The following SIM1 variants were observed in gnomAD, a reference collection of about 807,000 sequenced individuals.
SIM1 encodes single-minded homolog 1.
SIM1 carries 18 observed loss-of-function variants against 78.2 expected under a neutral mutation model. The observed-to-expected ratio is 0.23, with a 90% CI of 0.16 to 0.34. The LOEUF (loss-of-function observed/expected upper bound fraction) is 0.34. Among genes scored for constraint, SIM1 ranks in the 10% least tolerant of loss-of-function variants. The pLI, the probability that SIM1 is intolerant of heterozygous loss-of-function variation, is 1.00. For synonymous variants in SIM1, 417 were observed against 385.2 expected (o/e 1.08, Z -0.97); for missense variants, 939 against 975.1 (o/e 0.96, Z 0.49).
intron 2 of SIM1, among the ~76,000 whole-genome samples, chr6:100,455,218 A>C (rs967292767): frequency 6.6e-6 from 1 of 152,144 alleles, no homozygotes; most frequent in African/African-American, 2.4e-5. Context: ...TTGTTTGCAC[A>C]TCTAAATAAA....
At chr6:100,446,631 C>T (rs537127357) in intron 9 of SIM1, among the ~76,000 whole-genome samples, 38 of 152,376 alleles carry the variant, frequency 2.5e-4, no homozygotes, top group Non-Finnish European at 5.1e-4. Context: ...GCCTCCCTGT[C>T]ATTCGCGCCC....
intron 9 of SIM1, among the ~76,000 whole-genome samples, chr6:100,437,777 CA>C (rs1772095049): frequency 6.6e-6 from 1 of 152,140 alleles, no homozygotes; most frequent in Admixed American, 6.5e-5. Context: ...TGAGCCTGAC[CA>C]AACTGCAGAA....
At chr6:100,448,706 T>A (rs760464343) in intron 6 of SIM1, 28 bp from the exon 7 acceptor site, 3 of 1,594,196 alleles carry the variant, frequency 1.9e-6, no homozygotes. Flanking sequence ...GGAGGGAGAC[T>A]CAGCCACAGG....
In SIM1 at chr6:100,393,869, T is replaced by C. The variant is rs149770773; in HGVS notation, c.1188A>G (p.Glu396=). ...PYPQYSGFHT[E]RSESDHDSQW... ...GGCTGTCATGATCAGATTCCGATCT[T>C]TCTGTGTGAAATCCCGAATACTGAA... The change falls in exon 11 of 12, where the codon GAA becomes GAG. Residue 396 remains glutamate, a synonymous_variant. Coordinates refer to ENST00000369208, the MANE Select transcript of SIM1 (RefSeq NM_005068.3). The C allele has an allele frequency of 1.3e-4, 197 of 1,565,664 alleles. No individual in the cohort carries two copies. Among genetic ancestry groups the C allele is most frequent in the Non-Finnish European group, 1.6e-4 (187 of 1,152,504 alleles).
Position 100,412,616 on chromosome 6 carries a change from GAAAGAAGGAAAGAAAGAAAGAAAAGAA to G in SIM1, c.1167+8147_1167+8173del, listed in dbSNP as rs1771242454. ...GAAAGAAAGAAAGAAAGAAAGGAAA[GAAAGAAGGAAAGAAAGAAAGAAAAGAA>G]AGAAAGAAAGAAAGAGAGAGAGAGA... On this transcript the variant is annotated intron_variant, in intron 10 of 11. Transcript: ENST00000369208. Among the ~76,000 whole-genome samples the G allele has an allele frequency of 2.8e-4, 26 of 91,876 alleles. 1 individual carries two copies. The highest frequency in any genetic ancestry group is 7.6e-4 in the South Asian group (2 of 2,648). 60.3% of individuals were successfully genotyped at this position (91,876 alleles called of 152,430 possible). A position where few individuals can be genotyped will look rare whatever the true frequency, so the allele number is the denominator to read the frequency against.
At position 100,448,371 on chromosome 6, in the gene SIM1, A is replaced by G. The variant is rs537591799; in HGVS notation, c.743+108T>C. 4,366 of 1,387,492 alleles carry G rather than the reference A, an allele frequency of 3.1e-3. 16 individuals are homozygous for G. Among genetic ancestry groups the G allele is most frequent in the South Asian group, 6.2e-3 (473 of 76,708 alleles). The allele number at this position is 1,387,492 out of a possible 1,614,324, so 85.9% of individuals were successfully genotyped here. On this transcript the variant is annotated intron_variant, in intron 7 of 11. Coordinates refer to ENST00000369208, the MANE Select transcript of SIM1 (RefSeq NM_005068.3). ...CGCCCTCACTTTCCAGGGCCGATTC[A>G]GTCGCCTCATGTGCAAAATGGGCTC...
intron 9 of SIM1, among the ~76,000 whole-genome samples, chr6:100,433,412 T>C (rs1309906829): frequency 6.6e-6 from 1 of 152,192 alleles, no homozygotes; most frequent in African/African-American, 2.4e-5. Flanking sequence ...ACTCTCCCTG[T>C]AGGACTCCAC....
At chr6:100,423,583 T>A (rs1328717835) in intron 9 of SIM1, among the ~76,000 whole-genome samples, 1 of 152,126 alleles carries the variant, frequency 6.6e-6, no homozygotes, top group Non-Finnish European at 1.5e-5. Context: ...AGGACAAGAG[T>A]TAAGAGATAT....
chr6:100,452,794 G>C (rs993133557), intron 3 of SIM1, among the ~76,000 whole-genome samples: 1 of 152,188 alleles, frequency 6.6e-6, no homozygotes, highest in Non-Finnish European at 1.5e-5. Flanking sequence ...TGAAGGCCAC[G>C]TCAGTGAGAG....
In SIM1 at chr6:100,412,534, CTAAGAAAGAAAGAAAGAAAGA is replaced by C. The variant is rs1261603126; in HGVS notation, c.1167+8235_1167+8255del. ...GCTGGGTGACAGAGCAAGACTCTGT[CTAAGAAAGAAAGAAAGAAAGA>C]AAAGAAAGAAAGAAAGAAAGAAAGA... On this transcript the variant is annotated intron_variant, in intron 10 of 11. Transcript: ENST00000369208. 8.0e-3 allele frequency among the ~76,000 whole-genome samples: 759 copies of C among 94,930 alleles called. 41 individuals carry two copies. Among genetic ancestry groups the C allele is most frequent in the South Asian group, 0.02 (56 of 2,834 alleles). The allele number at this position is 94,930 out of a possible 152,430, so 62.3% of individuals were successfully genotyped here.
chr6:100,462,303 T>G (rs1772876397), intron 2 of SIM1, among the ~76,000 whole-genome samples: 1 of 152,244 alleles, frequency 6.6e-6, no homozygotes, highest in South Asian at 2.1e-4. Flanking sequence ...CTCTTTTACA[T>G]TTCTGAATCC....
chr6:100,393,954 A>G, intron 10 of SIM1, 65 bp from the exon 11 acceptor site: 2 of 1,471,150 alleles, frequency 1.4e-6, no homozygotes, highest in Non-Finnish European at 1.8e-6. Flanking sequence ...GAAAACAAAC[A>G]AACAAAAAAC....
chr6:100,415,965 T>A (rs561814588), intron 10 of SIM1, among the ~76,000 whole-genome samples: 6 of 152,294 alleles, frequency 3.9e-5, no homozygotes, highest in African/African-American at 1.4e-4. Flanking sequence ...TCAGGTTCAC[T>A]AAGATAGGGA....
At chr6:100,428,173 C>T (rs181340380) in intron 9 of SIM1, among the ~76,000 whole-genome samples, 3 of 152,200 alleles carry the variant, frequency 2.0e-5, no homozygotes, top group Non-Finnish European at 4.4e-5. Flanking sequence ...CTGTTATGCA[C>T]ATTAATAAAA....
chr6:100,441,796 T>C (rs1192321108), intron 9 of SIM1, among the ~76,000 whole-genome samples: 1 of 152,224 alleles, frequency 6.6e-6, no homozygotes, highest in Non-Finnish European at 1.5e-5. Flanking sequence ...CTGCGCACCC[T>C]TGTGAAGCAA....
intron 9 of SIM1, among the ~76,000 whole-genome samples, chr6:100,441,772 G>A (rs1258671129): frequency 1.3e-5 from 2 of 152,136 alleles, no homozygotes; most frequent in Non-Finnish European, 2.9e-5. Context: ...TTTTAGCTAG[G>A]AAAATGTCAA....
chr6:100,395,103 C>G (rs1312565166), intron 10 of SIM1, among the ~76,000 whole-genome samples: 1 of 152,102 alleles, frequency 6.6e-6, no homozygotes, highest in African/African-American at 2.4e-5. Flanking sequence ...TTTGAAGGCC[C>G]TCACAAGCCA....
chr6:100,459,542 T>G (rs1360954860), intron 2 of SIM1, among the ~76,000 whole-genome samples: 1 of 152,216 alleles, frequency 6.6e-6, no homozygotes. Context: ...ACATGGGGCC[T>G]CTTTTTCTTT....
chr6:100,456,868 A>G (rs1201195497), intron 2 of SIM1, among the ~76,000 whole-genome samples: 2 of 152,226 alleles, frequency 1.3e-5, no homozygotes, highest in Non-Finnish European at 2.9e-5. Flanking sequence ...GATTACCTCA[A>G]TGGACTGACT....
Sources: allele counts gnomAD v4.1 joint callset (sites outside exome capture counted in the v4.1 genomes callset), GRCh38; gene constraint gnomAD v4.1.1; transcripts MANE v1.5; gene names NCBI Gene and HGNC (gene_info 2026-07-23, HGNC 2026-07-21).